The following RPS6KC1 variants were observed in gnomAD, a reference collection of about 807,000 sequenced individuals.
The protein encoded by RPS6KC1 is ribosomal protein S6 kinase C1.
A neutral mutation model predicts 103.8 loss-of-function variants in RPS6KC1; 54 were observed. The ratio of observed to expected loss-of-function variants is 0.52; its 90% CI spans 0.42 to 0.65. The LOEUF is 0.65. Ranked by LOEUF, RPS6KC1 falls within the 30% of genes least tolerant of loss-of-function variation. The probability of loss-of-function intolerance (pLI) is 0.00; values close to 1 mark genes in which losing one functional copy is unlikely to be tolerated. For missense variants in RPS6KC1, 1,151 were observed against 1,253.8 expected (o/e 0.92, Z 1.24); for synonymous variants, 439 against 438.7 (o/e 1.00, Z -0.01).
chr1:213,358,138 G>T, the RPS6KC1 span, among the ~76,000 whole-genome samples: 1 of 129,634 alleles, frequency 7.7e-6, no homozygotes, highest in African/African-American at 2.5e-5. Context: ...TCAGGATGAT[G>T]CTGGCCTCAT....
the RPS6KC1 span, among the ~76,000 whole-genome samples, chr1:213,483,953 G>A: frequency 6.6e-6 from 1 of 152,150 alleles, no homozygotes; most frequent in Non-Finnish European, 1.5e-5. Flanking sequence ...TAGAAGGAGG[G>A]TCCCTTCCAG....
At chr1:213,514,816 C>T in the RPS6KC1 span, among the ~76,000 whole-genome samples, 4 of 152,194 alleles carry the variant, frequency 2.6e-5, no homozygotes, top group Non-Finnish European at 4.4e-5. Context: ...CTGACTTCCA[C>T]AATGGTTGAA....
chr1:213,348,990 T>C, the RPS6KC1 span, among the ~76,000 whole-genome samples: 1 of 152,220 alleles, frequency 6.6e-6, no homozygotes, highest in African/African-American at 2.4e-5. Context: ...CATAACCACA[T>C]ACTGGTCTTC....
the RPS6KC1 span, among the ~76,000 whole-genome samples, chr1:213,743,083 A>C: frequency 6.6e-6 from 1 of 152,168 alleles, no homozygotes; most frequent in African/African-American, 2.4e-5. Context: ...AGACACATGC[A>C]CTCATATGTT....
chr1:213,199,031 C>CCAT (rs2093055589), intron 8 of RPS6KC1, among the ~76,000 whole-genome samples: 1 of 152,158 alleles, frequency 6.6e-6, no homozygotes, highest in Admixed American at 6.5e-5. Context: ...AAGCCCAGGA[C>CCAT]CAGATGGATT....
At chr1:213,370,772 C>T in the RPS6KC1 span, among the ~76,000 whole-genome samples, 2 of 152,178 alleles carry the variant, frequency 1.3e-5, no homozygotes, top group Non-Finnish European at 2.9e-5. Context: ...TGCTGACCCT[C>T]TTTGTAGAGA....
chr1:213,724,248 C>T, the RPS6KC1 span, among the ~76,000 whole-genome samples: 15 of 152,020 alleles, frequency 9.9e-5, no homozygotes, highest in South Asian at 4.1e-4. Context: ...CCACTGCACC[C>T]GGCAAATTTT....
the RPS6KC1 span, among the ~76,000 whole-genome samples, chr1:213,548,697 T>C: frequency 3.9e-5 from 6 of 151,948 alleles, no homozygotes; most frequent in Non-Finnish European, 8.8e-5. Context: ...ATGGTTAATA[T>C]AAAACATGGA....
chr1:213,609,500 C>T, the RPS6KC1 span, among the ~76,000 whole-genome samples: 130 of 152,158 alleles, frequency 8.5e-4, no homozygotes, highest in African/African-American at 2.9e-3. Context: ...TGAGTCGGGG[C>T]GTGCAAACCA....
At chr1:213,738,296 AT>A in the RPS6KC1 span, among the ~76,000 whole-genome samples, 1 of 152,200 alleles carries the variant, frequency 6.6e-6, no homozygotes, top group Non-Finnish European at 1.5e-5. Flanking sequence ...ACAGATGCAT[AT>A]TCTCCAAGAC....
At chr1:213,773,558 T>TTATGTA in the RPS6KC1 span, among the ~76,000 whole-genome samples, 3 of 149,768 alleles carry the variant, frequency 2.0e-5, no homozygotes, top group Admixed American at 1.3e-4. Flanking sequence ...TCTATATATG[T>TTATGTA]TATGTATATG....
chr1:213,420,970 T>C, the RPS6KC1 span, among the ~76,000 whole-genome samples: 1 of 152,198 alleles, frequency 6.6e-6, no homozygotes, highest in African/African-American at 2.4e-5. Context: ...TGTATGCAAA[T>C]TTTCCCTTCT....
intron 8 of RPS6KC1, among the ~76,000 whole-genome samples, chr1:213,195,817 C>G (rs2092923771): frequency 6.8e-6 from 1 of 147,966 alleles, no homozygotes; most frequent in Admixed American, 6.6e-5. Context: ...GAGTAGTATT[C>G]CATGGTGTGT....
chr1:213,664,218 G>A, the RPS6KC1 span, among the ~76,000 whole-genome samples: 9 of 150,578 alleles, frequency 6.0e-5, no homozygotes, highest in Admixed American at 6.6e-5. Context: ...GGAGGGGAGC[G>A]CTCTGAGAAC....
intron 3 of RPS6KC1, among the ~76,000 whole-genome samples, chr1:213,094,183 C>G (rs187115508): frequency 4.6e-4 from 69 of 151,004 alleles, no homozygotes; most frequent in South Asian, 1.7e-3. Flanking sequence ...TTCTGCATTT[C>G]TGTCTCTATG....
intron 4 of RPS6KC1, among the ~76,000 whole-genome samples, chr1:213,106,983 C>T (rs1394526027): frequency 6.6e-6 from 1 of 151,970 alleles, no homozygotes; most frequent in Non-Finnish European, 1.5e-5. Context: ...CTCTGTTGCC[C>T]AGGCTAGAGT....
chr1:213,666,737 A>G, the RPS6KC1 span, among the ~76,000 whole-genome samples: 2 of 152,230 alleles, frequency 1.3e-5, no homozygotes, highest in Non-Finnish European at 1.5e-5. Flanking sequence ...GGCAAAACCA[A>G]AACAAGCCTG....
chr1:213,588,282 C>A, the RPS6KC1 span, among the ~76,000 whole-genome samples: 1 of 151,726 alleles, frequency 6.6e-6, no homozygotes, highest in Non-Finnish European at 1.5e-5. Context: ...CTAATCACCC[C>A]CTAAAACCTC....
At chr1:213,737,044 G>A in the RPS6KC1 span, among the ~76,000 whole-genome samples, 70,572 of 152,046 alleles carry the variant, frequency 0.46, 17,569 homozygotes, top group East Asian at 0.75. Flanking sequence ...ACCAGCTCCC[G>A]GCTTGCTCAT....
Sources: gnomAD v4.1 joint callset for allele counts (sites outside exome capture counted in the v4.1 genomes callset) on GRCh38, gnomAD v4.1.1 for gene constraint, MANE v1.5 for transcripts, NCBI Gene and HGNC (gene_info 2026-07-23, HGNC 2026-07-21) for gene names.